The following ABCF1 variants were observed in gnomAD, a reference collection of about 807,000 sequenced individuals.
The protein encoded by ABCF1 is ATP binding cassette subfamily F member 1, also known as ATP-binding cassette sub-family F member 1.
A neutral mutation model predicts 126.3 loss-of-function variants in ABCF1; 73 were observed. That is an observed-to-expected ratio of 0.58 (90% confidence interval 0.48 to 0.70). ABCF1 has a LOEUF of 0.70. Ranked by LOEUF, ABCF1 falls within the 30% of genes least tolerant of loss-of-function variation. The pLI, the probability that ABCF1 is intolerant of heterozygous loss-of-function variation, is 0.00. For synonymous variants in ABCF1, 345 were observed against 396.4 expected, an observed-to-expected ratio of 0.87 and a Z score of 1.54; for missense variants, 786 against 1,057.5, an observed-to-expected ratio of 0.74 and a Z score of 3.56.
chr6:30,579,850 T>G, intron 6 of ABCF1, 81 bp from the exon 7 acceptor site: 1 of 1,393,624 alleles, frequency 7.2e-7, no homozygotes, highest in Non-Finnish European at 9.9e-7. Flanking sequence ...CACAGTAGAC[T>G]CTCTAGAAAT....
In ABCF1 at chr6:30,586,782, A is replaced by G; in HGVS notation, c.2031+71A>G. ...ACAGCTGCTTTTGCCAGAAGCTGGAATCAGGGAGCCTCTCGAGAATGTAGA... is the reference window on the plus strand; with the variant it reads ...ACAGCTGCTTTTGCCAGAAGCTGGAGTCAGGGAGCCTCTCGAGAATGTAGA... On this transcript the variant is annotated intron_variant, in intron 20 of 24. Coordinates refer to ENST00000326195, the MANE Select transcript of ABCF1 (RefSeq NM_001025091.2). The surrounding 1 kb of genome is among the most constrained non-coding windows in gnomAD (Gnocchi z 4.9). The G allele has an allele frequency of 6.6e-7, 1 of 1,520,794 alleles. No homozygotes were observed. The highest frequency in any genetic ancestry group is 1.7e-5 in the Admixed American group (1 of 57,722). The allele number at this position is 1,520,794 out of a possible 1,614,324, so 94.2% of individuals were successfully genotyped here.
intron 1 of ABCF1, among the ~76,000 whole-genome samples, chr6:30,575,259 G>A (rs1801440370): frequency 6.6e-6 from 1 of 151,616 alleles, no homozygotes; most frequent in Non-Finnish European, 1.5e-5. Flanking sequence ...TAGTAGAGAT[G>A]GGGTTTCACC....
In ABCF1 at chr6:30,590,606, C is replaced by T. The variant is rs753444592; in HGVS notation, c.2443C>T (p.Gln815Ter). 2 of 1,613,034 alleles carry T rather than the reference C, an allele frequency of 1.2e-6. No individual in the cohort carries two copies. The highest frequency in any genetic ancestry group is 1.7e-6 in the Non-Finnish European group (2 of 1,180,014). Residue 815 changes from glutamine (Q) to a stop codon, truncating the protein, a stop_gained, in exon 25 of 25, where the codon CAG becomes TAG. Coordinates refer to ENST00000326195, the MANE Select transcript of ABCF1 (RefSeq NM_001025091.2). LOFTEE classifies it high-confidence loss of function. ...TTGCCAGCTGTGGGTGGTGGAGGAG[C>T]AGAGTGTTAGCCAAATCGATGGTGA... ...TNCQLWVVEE[Q>*]SVSQIDGDFE...
In ABCF1 at chr6:30,577,441, A is replaced by C. The variant is rs766492613; in HGVS notation, c.106A>C (p.Lys36Gln). ...GGTGAAGAAAGGGAAGAAGGACAAG[A>C]AGATCAAAAAAACGGTGAGAAAATG... ...KVVKKGKKDK[K>Q]IKKTFFEELA... The change falls in exon 2 of 25, where the codon AAG becomes CAG. Residue 36 changes from lysine to glutamine, a missense_variant. Lys to Gln is a moderately conservative substitution (Grantham distance 53). This residue lies in a region of ABCF1 where 322 missense variants were observed against 322.9 expected (regional missense o/e 1.00). Transcript: ENST00000326195. The C allele has an allele frequency of 3.7e-6, 6 of 1,613,842 alleles. No homozygotes were observed. In the East Asian group the frequency reaches 1.1e-4, roughly 30 times the overall value.
At chr6:30,579,881 G>T (rs776807957) in intron 6 of ABCF1, 50 bp from the exon 7 acceptor site, 1 of 1,573,210 alleles carries the variant, frequency 6.4e-7, no homozygotes, top group Non-Finnish European at 8.7e-7. Flanking sequence ...CAGCAAAGTA[G>T]CACAATAATT....
chr6:30,586,836 T>A lies in ABCF1; in HGVS notation c.2031+125T>A. 1.9e-6 allele frequency: 2 copies of A among 1,065,994 alleles called. No homozygotes were observed. Among genetic ancestry groups the A allele is most frequent in the Non-Finnish European group, 2.8e-6 (2 of 722,566 alleles). 66.0% of individuals were successfully genotyped at this position (1,065,994 alleles called of 1,614,324 possible). A position where few individuals can be genotyped will look rare whatever the true frequency, so the allele number is the denominator to read the frequency against. On this transcript the variant is annotated intron_variant, in intron 20 of 24. Transcript: ENST00000326195. The surrounding 1 kb of genome is among the most constrained non-coding windows in gnomAD (Gnocchi z 4.9). ...AAATACAGAACTCATGATAGATGAT[T>A]CATTTCCCTAAGAGGGGCAGTAGAG...
At chr6:30,577,242 AATG>A (rs1016429806) in intron 1 of ABCF1, among the ~76,000 whole-genome samples, 164 bp from the exon 2 acceptor site, 37 of 152,334 alleles carry the variant, frequency 2.4e-4, no homozygotes, top group African/African-American at 8.9e-4. Context: ...TAGAGATGGG[AATG>A]ATTATTTCTG....
rs1039229313 is a variant in ABCF1, at chr6:30,590,955, A to C, written c.*254A>C. The C allele has an allele frequency of 4.5e-6, 2 of 440,968 alleles. No individual in the cohort carries two copies. Among genetic ancestry groups the C allele is most frequent in the African/African-American group, 2.0e-5 (1 of 49,666 alleles). 27.3% of individuals were successfully genotyped at this position (440,968 alleles called of 1,614,324 possible). Reference sequence around the variant, plus strand: ...TCCTTGGCATCCCCCTAAACAAACAAGAGGTGACCACCTTATTGTGAGGTT... The same window carrying C: ...TCCTTGGCATCCCCCTAAACAAACACGAGGTGACCACCTTATTGTGAGGTT... On this transcript the variant is annotated 3_prime_UTR_variant, in exon 25 of 25. Coordinates refer to ENST00000326195, the MANE Select transcript of ABCF1 (RefSeq NM_001025091.2).
At position 30,577,830 on chromosome 6, in the gene ABCF1, C is replaced by T; in HGVS notation, c.133C>T (p.Leu45=). The T allele has an allele frequency of 1.2e-6, 2 of 1,613,718 alleles. No homozygotes were observed. Among genetic ancestry groups the T allele is most frequent in the Non-Finnish European group, 1.7e-6 (2 of 1,180,002 alleles). The part of the protein sequence containing the change: ...KKIKKTFFEE[L]AVEDKQAGEE... The stretch of plus-strand genomic sequence containing the variant: ...ACTCCCTTTATAGTTCTTTGAAGAG[C>T]TGGCAGTAGAAGATAAACAGGCTGG... The change falls in exon 3 of 25, where the codon CTG becomes TTG. Residue 45 remains leucine (L), a synonymous_variant. Transcript: ENST00000326195.
chr6:30,588,785 T>C (rs970606120), intron 20 of ABCF1, among the ~76,000 whole-genome samples: 1 of 152,120 alleles, frequency 6.6e-6, no homozygotes, highest in African/African-American at 2.4e-5. Flanking sequence ...ATTAGATCTT[T>C]AGAAAGGTAT....
Position 30,579,835 on chromosome 6 carries a change from G to T in ABCF1, c.490-96G>T, listed in dbSNP as rs1002628991. On this transcript the variant is annotated intron_variant, in intron 6 of 24. Transcript: ENST00000326195. ...TCGTAAATGGAGGAGCATGTGTATG[G>T]TTAACACAGTAGACTCTCTAGAAAT... 2.4e-5 allele frequency: 30 copies of T among 1,227,336 alleles called. No homozygotes were observed. The African/African-American group carries it at 4.2e-4, about 17-fold the overall frequency. 76.0% of individuals were successfully genotyped at this position (1,227,336 alleles called of 1,614,324 possible).
chr6:30,573,024 A>G (rs986991094), intron 1 of ABCF1, among the ~76,000 whole-genome samples: 2 of 152,226 alleles, frequency 1.3e-5, no homozygotes, highest in African/African-American at 4.8e-5. Context: ...AGGAAGGCCC[A>G]TTGAAGTGCA....
Position 30,577,915 on chromosome 6 carries a change from T to C in ABCF1, c.216+2T>C. ...CAGCAGCAGCAACAGCAACAGCAGG[T>C]ACAAGTGCCACAGGGCCCACCAATC... is the stretch of plus-strand genomic sequence containing the variant. On this transcript the variant is annotated splice_donor_variant, in intron 3 of 24. Transcript: ENST00000326195. LOFTEE classifies it high-confidence loss of function. 6.2e-7 allele frequency: 1 copy of C among 1,613,838 alleles called. No individual in the cohort carries two copies. The highest frequency in any genetic ancestry group is 8.5e-7 in the Non-Finnish European group (1 of 1,179,966).
chr6:30,586,887 G>A lies in ABCF1; in HGVS notation c.2031+176G>A, dbSNP rs796527274. Among the ~76,000 whole-genome samples, 1 of 152,164 alleles carries A rather than the reference G, an allele frequency of 6.6e-6. No homozygotes were observed. The highest frequency in any genetic ancestry group is 1.5e-5 in the Non-Finnish European group (1 of 68,032). On this transcript the variant is annotated intron_variant, in intron 20 of 24. Transcript: ENST00000326195. The surrounding 1 kb of genome is among the most constrained non-coding windows in gnomAD (Gnocchi z 4.9). ...GAGGAAAGAGCTTAGATCAGTTCAG[G>A]GGGGAGAGCTAAGAGAATTAAGATA...
In ABCF1 at chr6:30,578,622, C is replaced by T. The variant is rs747084583; in HGVS notation, c.489+45C>T. ...CAGTCACTCTCACTCCATTTAGCAC[C>T]TTCTGGCCATGGTGGAGTAATTTCC... On this transcript the variant is annotated intron_variant, in intron 6 of 24. Transcript: ENST00000326195. The T allele has an allele frequency of 5.9e-6, 9 of 1,531,046 alleles. No homozygotes were observed. The East Asian group carries it at 2.1e-4, about 35-fold the overall frequency. The allele number at this position is 1,531,046 out of a possible 1,614,324, so 94.8% of individuals were successfully genotyped here.
intron 16 of ABCF1, 43 bp downstream of exon 16, chr6:30,585,725 C>T (rs780998918): frequency 8.7e-6 from 14 of 1,606,672 alleles, no homozygotes; most frequent in Middle Eastern, 1.7e-4. Context: ...GATAGAACCT[C>T]GAAAAGAGGC....
chr6:30,579,518 C>T (rs867845750), intron 6 of ABCF1, among the ~76,000 whole-genome samples: 2 of 135,630 alleles, frequency 1.5e-5, no homozygotes, highest in Non-Finnish European at 3.0e-5. Flanking sequence ...AGTGCAGTGG[C>T]GTAATCCTGG....
At chr6:30,579,112 C>G (rs1801668235) in intron 6 of ABCF1, among the ~76,000 whole-genome samples, 1 of 152,180 alleles carries the variant, frequency 6.6e-6, no homozygotes, top group Non-Finnish European at 1.5e-5. Context: ...TGCTCTTCTA[C>G]TTGTGACTCT....
intron 9 of ABCF1, 21 bp downstream of exon 9, chr6:30,582,528 G>A (rs774918455): frequency 4.4e-5 from 71 of 1,610,922 alleles, no homozygotes; most frequent in Non-Finnish European, 5.3e-5. Flanking sequence ...GGTTCTTAGC[G>A]GTCAAAAGTA....
Sources: gnomAD v4.1 joint callset for allele counts (sites outside exome capture counted in the v4.1 genomes callset) on GRCh38, gnomAD v4.1.1 for gene constraint, gnomAD v4.1.1 regional missense constraint, Gnocchi (gnomAD v3.1) non-coding constraint, MANE v1.5 for transcripts, NCBI Gene and HGNC (gene_info 2026-07-23, HGNC 2026-07-21) for gene names.